The following DNAH1 variants were observed in gnomAD, a reference collection of about 807,000 sequenced individuals.
DNAH1 encodes the protein dynein axonemal heavy chain 1.
A neutral mutation model predicts 484.3 loss-of-function variants in DNAH1; 327 were observed. The ratio of observed to expected loss-of-function variants is 0.68; its 90% CI spans 0.62 to 0.74. The LOEUF (loss-of-function observed/expected upper bound fraction) is 0.74, where lower values mean the gene tolerates loss of function less well. DNAH1 is among the 30% of genes least tolerant of loss of function. The pLI is 0.00. For synonymous variants in DNAH1, 2,192 were observed against 2,191.9 expected (o/e 1.00, Z 0.00); for missense variants, 5,052 against 5,546.8 (o/e 0.91, Z 2.83).
intron 8 of DNAH1, among the ~76,000 whole-genome samples, chr3:52,336,780 A>C (rs1013491429): frequency 2.6e-5 from 4 of 152,062 alleles, no homozygotes; most frequent in Non-Finnish European, 4.4e-5. Flanking sequence ...CTATTTTGTT[A>C]CATTGGACTA....
In DNAH1 at chr3:52,381,591, C is replaced by T. The variant is rs375844045; in HGVS notation, c.7609-49C>T. The T allele has an allele frequency of 7.2e-5, 110 of 1,519,664 alleles. No individual in the cohort carries two copies. Among genetic ancestry groups the T allele is most frequent in the African/African-American group, 1.6e-4 (12 of 72,772 alleles). The allele number at this position is 1,519,664 out of a possible 1,614,324, so 94.1% of individuals were successfully genotyped here. On this transcript the variant is annotated intron_variant, in intron 48 of 77. Transcript: ENST00000420323. This position sits in a 1 kb window ranked among gnomAD's most constrained non-coding sequence, Gnocchi z 4.1. ...GGTGGGTGGGGGGAATCGGGGAGAC[C>T]CTACAGTAAGAGAGACCCCGCCTTC...
chr3:52,373,916 C>T (rs1236808051), intron 44 of DNAH1: 3 of 1,358,510 alleles, frequency 2.2e-6, no homozygotes, highest in Non-Finnish European at 3.2e-6. Flanking sequence ...CAGAATTTGA[C>T]TCAGAGGAAG....
At chr3:52,340,559 C>G (rs1474636079) in intron 8 of DNAH1, among the ~76,000 whole-genome samples, 2 of 152,048 alleles carry the variant, frequency 1.3e-5, no homozygotes, top group Non-Finnish European at 2.9e-5. Context: ...CTCAGCCTCC[C>G]GAGTAGCTGG....
chr3:52,321,180 G>A (rs1025759029), intron 1 of DNAH1, among the ~76,000 whole-genome samples: 2 of 150,314 alleles, frequency 1.3e-5, no homozygotes, highest in African/African-American at 2.5e-5. Context: ...GCAATGGCGC[G>A]ATCTGAGTTC....
At position 52,317,359 on chromosome 3, in the gene DNAH1, C is replaced by T. The variant is rs186593343; in HGVS notation, c.-35+814C>T. Among the ~76,000 whole-genome samples the T allele has an allele frequency of 4.2e-3, 643 of 152,286 alleles. 17 individuals are homozygous for T. The highest frequency in any genetic ancestry group is 0.038 in the Admixed American group (576 of 15,292). ...GGTGTCGGGCGCATCCGCTGCCCAG[C>T]GGAAGCGGCGGCCTGAGTGGAGTCA... On this transcript the variant is annotated intron_variant, in intron 1 of 77. Coordinates refer to ENST00000420323, the MANE Select transcript of DNAH1 (RefSeq NM_015512.5).
At chr3:52,356,876 G>A in intron 22 of DNAH1, 98 bp downstream of exon 22, 1 of 1,416,530 alleles carries the variant, frequency 7.1e-7, no homozygotes, top group East Asian at 2.5e-5. Flanking sequence ...ACACAGAAAA[G>A]GCTGGTGGAC....
Position 52,358,495 on chromosome 3 carries a change from G to C in DNAH1, c.4087-63G>C. 1 of 1,516,538 alleles carries C rather than the reference G, an allele frequency of 6.6e-7. No homozygotes were observed. The highest frequency in any genetic ancestry group is 1.2e-5 in the South Asian group (1 of 80,470). 93.9% of individuals were successfully genotyped at this position (1,516,538 alleles called of 1,614,324 possible). Reference sequence around the variant, plus strand: ...ACCGGGCAGGCTTAGCGCTGGGGCTGTGGTGGCCAGGGCATCTGGGCACAC... The same window carrying C: ...ACCGGGCAGGCTTAGCGCTGGGGCTCTGGTGGCCAGGGCATCTGGGCACAC... On this transcript the variant is annotated intron_variant, in intron 24 of 77. Coordinates refer to ENST00000420323, the MANE Select transcript of DNAH1 (RefSeq NM_015512.5). The surrounding 1 kb of genome is among the most constrained non-coding windows in gnomAD (Gnocchi z 4.2).
intron 16 of DNAH1, 116 bp downstream of exon 16, chr3:52,350,706 C>A: frequency 1.0e-6 from 1 of 977,982 alleles, no homozygotes; most frequent in Non-Finnish European, 1.6e-6. Flanking sequence ...TCCCCAGAAA[C>A]ACCCCACTGA....
At chr3:52,380,274 G>T in intron 48 of DNAH1, 139 bp downstream of exon 48, 1 of 718,064 alleles carries the variant, frequency 1.4e-6, no homozygotes, top group African/African-American at 1.8e-5. Context: ...AAGACAGCCA[G>T]CTCCAGGAGA....
chr3:52,387,005 CACCACACAAGGGCCCGAGG>C (rs1471855818), intron 56 of DNAH1, among the ~76,000 whole-genome samples, 152 bp downstream of exon 56: 2 of 152,196 alleles, frequency 1.3e-5, no homozygotes, highest in Non-Finnish European at 2.9e-5. Flanking sequence ...ACACCACCAG[CACCACACAAGGGCCCGAGG>C]GCCACACAGA....
intron 63 of DNAH1, 99 bp from the exon 64 acceptor site, chr3:52,392,365 T>C (rs1704425122): frequency 9.0e-7 from 1 of 1,109,904 alleles, no homozygotes; most frequent in South Asian, 1.4e-5. Flanking sequence ...GCTGGGCTCT[T>C]GGAGCCCCAG....
At position 52,370,844 on chromosome 3, in the gene DNAH1, C is replaced by A; in HGVS notation, c.6525+19C>A. On this transcript the variant is annotated intron_variant, in intron 41 of 77. Coordinates refer to ENST00000420323, the MANE Select transcript of DNAH1 (RefSeq NM_015512.5). ...CAAGCAGGTGGCCGCAGGCCCTCCCCAGAGACTGCACAGGGAGGGACCACT... is the reference window on the plus strand; with the variant it reads ...CAAGCAGGTGGCCGCAGGCCCTCCCAAGAGACTGCACAGGGAGGGACCACT... 1 of 1,571,900 alleles carries A rather than the reference C, an allele frequency of 6.4e-7. No individual in the cohort carries two copies. Among genetic ancestry groups the A allele is most frequent in the African/African-American group, 1.4e-5 (1 of 73,990 alleles).
intron 55 of DNAH1, 43 bp from the exon 56 acceptor site, chr3:52,386,619 C>T (rs966193368): frequency 5.3e-6 from 8 of 1,506,204 alleles, no homozygotes; most frequent in Non-Finnish European, 6.2e-6. Context: ...CGAGGGGTGC[C>T]CACTGGGTCT....
At position 52,397,834 on chromosome 3, in the gene DNAH1, T is replaced by G; in HGVS notation, c.11915T>G (p.Leu3972Arg). 6.2e-7 allele frequency: 1 copy of G among 1,612,026 alleles called. No homozygotes were observed. Among genetic ancestry groups the G allele is most frequent in the Non-Finnish European group, 8.5e-7 (1 of 1,178,904 alleles). ...TFALLGTIIQ[L>R]QPKSSSAGSQ... ...GCCCTCCTGGGCACCATCATCCAGC[T>G]GCAACCCAAATCATCTTCTGCAGGC... Residue 3972 changes from leucine to arginine, a missense_variant, in exon 74 of 78, where the codon CTG becomes CGG. Leu to Arg is a moderately radical substitution (Grantham distance 102). Transcript: ENST00000420323.
At chr3:52,359,452 C>T in intron 26 of DNAH1, 66 bp downstream of exon 26, 3 of 1,537,478 alleles carry the variant, frequency 2.0e-6, no homozygotes, top group Non-Finnish European at 2.6e-6. Context: ...GGGCCCAGTC[C>T]CTCCGGAAGC....
chr3:52,345,814 G>T (rs1289301261), intron 10 of DNAH1, 108 bp downstream of exon 10: 1 of 1,141,754 alleles, frequency 8.8e-7, no homozygotes, highest in Non-Finnish European at 1.3e-6. Flanking sequence ...GCCACATGGT[G>T]AGGCTGTGAG....
chr3:52,391,125 G>A, intron 61 of DNAH1, 54 bp from the exon 62 acceptor site: 1 of 1,610,862 alleles, frequency 6.2e-7, no homozygotes. Context: ...GAGCCGCAGA[G>A]CCTCAGGCTG....
intron 46 of DNAH1, 44 bp from the exon 47 acceptor site, chr3:52,378,558 G>A (rs1703703177): frequency 6.2e-7 from 1 of 1,600,370 alleles, no homozygotes; most frequent in African/African-American, 1.3e-5. Flanking sequence ...GGCGGCAGAG[G>A]GAGCTCCTGG....
In DNAH1 at chr3:52,373,608, A is replaced by T. The variant is rs1026958166; in HGVS notation, c.6985+555A>T. 55 of 1,452,788 alleles carry T rather than the reference A, an allele frequency of 3.8e-5. 1 individual carries two copies. In the South Asian group the frequency reaches 6.3e-4, roughly 17 times the overall value. 90.0% of individuals were successfully genotyped at this position (1,452,788 alleles called of 1,614,324 possible). On this transcript the variant is annotated intron_variant, in intron 44 of 77. Transcript: ENST00000420323. Reference sequence around the variant, plus strand: ...CAAACAGCAAAATTCTTCAAGGTTTAGCGCAAGCAGTAATAGAGAACTTCA... The same window carrying T: ...CAAACAGCAAAATTCTTCAAGGTTTTGCGCAAGCAGTAATAGAGAACTTCA...
Sources: gnomAD v4.1 joint callset for allele counts (sites outside exome capture counted in the v4.1 genomes callset) on GRCh38, gnomAD v4.1.1 for gene constraint, Gnocchi (gnomAD v3.1) non-coding constraint, MANE v1.5 for transcripts, NCBI Gene and HGNC (gene_info 2026-07-23, HGNC 2026-07-21) for gene names.